COL8A1: variants seen among roughly 807,000 people sequenced by gnomAD.
The protein encoded by COL8A1 is collagen type VIII alpha 1 chain.
COL8A1 carries 21 observed loss-of-function variants against 42.7 expected under a neutral mutation model. The ratio of observed to expected loss-of-function variants is 0.49; its 90% CI spans 0.35 to 0.71. The LOEUF (loss-of-function observed/expected upper bound fraction) is 0.71. Ranked by LOEUF, COL8A1 falls within the 30% of genes least tolerant of loss-of-function variation. The pLI is 0.01. For synonymous variants in COL8A1, 367 were observed against 369.1 expected, an observed-to-expected ratio of 0.99 and a Z score of 0.06; for missense variants, 788 against 962.4, an observed-to-expected ratio of 0.82 and a Z score of 2.40.
rs575014637 is a variant in COL8A1 at position 99,755,801 on chromosome 3, A to G, written c.-4+10780A>G. On this transcript the variant is annotated intron_variant, in intron 2 of 3. Transcript: ENST00000652472. Reference sequence around the variant, plus strand: ...GAAGACCACTGGCCAGAGCCTGGTAACTAAAGAGCAGATGGTGTCAAAGAA... The same window carrying G: ...GAAGACCACTGGCCAGAGCCTGGTAGCTAAAGAGCAGATGGTGTCAAAGAA... Among the ~76,000 whole-genome samples, 6 of 152,352 alleles carry G rather than the reference A, an allele frequency of 3.9e-5. No homozygotes were observed. In the South Asian group the frequency reaches 1.2e-3, roughly 32 times the overall value.
At chr3:99,737,674 C>T (rs1940769265) in intron 1 of COL8A1, among the ~76,000 whole-genome samples, 1 of 151,968 alleles carries the variant, frequency 6.6e-6, no homozygotes, top group Admixed American at 6.6e-5. Context: ...TTCCTTCATT[C>T]AACTTTGGTG....
intron 1 of COL8A1, among the ~76,000 whole-genome samples, chr3:99,653,161 C>CTAATGAAAA (rs1937903240): frequency 1.3e-5 from 2 of 152,160 alleles, no homozygotes; most frequent in African/African-American, 4.8e-5. Context: ...CTAATGAAAA[C>CTAATGAAAA]CAATTATTGA....
At chr3:99,747,888 T>A (rs1027193544) in intron 2 of COL8A1, among the ~76,000 whole-genome samples, 1 of 152,206 alleles carries the variant, frequency 6.6e-6, no homozygotes, top group Non-Finnish European at 1.5e-5. Context: ...CTGAAGCAGA[T>A]GGCTGGAAGT....
chr3:99,751,582 G>T (rs1207971576), intron 2 of COL8A1, among the ~76,000 whole-genome samples: 2 of 152,080 alleles, frequency 1.3e-5, no homozygotes, highest in African/African-American at 2.4e-5. Context: ...TATCTTCTCA[G>T]GAAAAAGTAA....
chr3:99,776,657 C>T (rs1941698626), intron 2 of COL8A1, among the ~76,000 whole-genome samples: 1 of 152,092 alleles, frequency 6.6e-6, no homozygotes, highest in Admixed American at 6.5e-5. Context: ...TTGAGGAAAA[C>T]CCATAAAGTG....
At chr3:99,730,186 A>AAGGATTAAATGAG (rs1232472701) in intron 1 of COL8A1, among the ~76,000 whole-genome samples, 1 of 152,112 alleles carries the variant, frequency 6.6e-6, no homozygotes, top group African/African-American at 2.4e-5. Flanking sequence ...GCACAGTCGT[A>AAGGATTAAATGAG]AGGATTAAAT....
rs765740462 is a variant in COL8A1, at chr3:99,715,552, T to C, written c.-128-29345T>C. 2.0e-5 allele frequency among the ~76,000 whole-genome samples: 3 copies of C among 152,056 alleles called. No individual in the cohort carries two copies. In the East Asian group the frequency reaches 5.8e-4, roughly 29 times the overall value. ...TTAACTGTTCTCCATTTTATCCATG[T>C]TGTCCTGAGAAGCAGGAGGCTCTTT... On this transcript the variant is annotated intron_variant, in intron 1 of 3. Coordinates refer to ENST00000652472, the MANE Select transcript of COL8A1 (RefSeq NM_020351.4).
intron 2 of COL8A1, among the ~76,000 whole-genome samples, chr3:99,786,461 A>G (rs1168706397): frequency 6.6e-6 from 1 of 152,160 alleles, no homozygotes; most frequent in Admixed American, 6.5e-5. Flanking sequence ...TATGAACCAG[A>G]AAGTGGGTCT....
intron 1 of COL8A1, among the ~76,000 whole-genome samples, chr3:99,650,636 G>A (rs1937815523): frequency 6.6e-6 from 1 of 152,050 alleles, no homozygotes; most frequent in Non-Finnish European, 1.5e-5. Flanking sequence ...GTTTCACCAT[G>A]TTGCCTAAGA....
intron 3 of COL8A1, among the ~76,000 whole-genome samples, chr3:99,793,314 TGATA>T (rs1942037270): frequency 6.6e-6 from 1 of 152,192 alleles, no homozygotes; most frequent in Non-Finnish European, 1.5e-5. Flanking sequence ...GTATTTGAAG[TGATA>T]GATATATTTA....
intron 2 of COL8A1, among the ~76,000 whole-genome samples, chr3:99,771,553 T>C (rs1941580967): frequency 6.6e-6 from 1 of 152,200 alleles, no homozygotes; most frequent in Non-Finnish European, 1.5e-5. Context: ...TAAACTCCAC[T>C]TGAAATTAAT....
At chr3:99,703,183 T>C (rs773826766) in intron 1 of COL8A1, 1 of 152,240 alleles carries the variant, frequency 6.6e-6, no homozygotes, top group Non-Finnish European at 1.5e-5. Context: ...ATCTGAGTCA[T>C]ATTTTAAGAG....
intron 2 of COL8A1, among the ~76,000 whole-genome samples, chr3:99,753,542 C>T (rs1185053646): frequency 2.0e-5 from 3 of 152,126 alleles, no homozygotes; most frequent in Non-Finnish European, 4.4e-5. Flanking sequence ...CAGTTAGTAC[C>T]GCTGCAGCTG....
chr3:99,790,234 C>A (rs1427606324), intron 2 of COL8A1, among the ~76,000 whole-genome samples: 1 of 152,160 alleles, frequency 6.6e-6, no homozygotes, highest in East Asian at 1.9e-4. Flanking sequence ...GCAATCCAGC[C>A]AGAAGGAAGG....
intron 1 of COL8A1, among the ~76,000 whole-genome samples, chr3:99,719,399 A>C (rs1197933637): frequency 6.6e-6 from 1 of 152,128 alleles, no homozygotes. Flanking sequence ...TGAATGAATA[A>C]GAAATTTCAT....
chr3:99,695,495 G>A (rs762443093), intron 1 of COL8A1, among the ~76,000 whole-genome samples: 18 of 152,010 alleles, frequency 1.2e-4, no homozygotes, highest in Non-Finnish European at 1.8e-4. Flanking sequence ...TAGTGGTCAG[G>A]TTTCTCCATA....
intron 1 of COL8A1, among the ~76,000 whole-genome samples, chr3:99,646,584 T>C (rs1281460257): frequency 6.6e-6 from 1 of 152,216 alleles, no homozygotes; most frequent in Admixed American, 6.5e-5. Context: ...TTTAGTACGG[T>C]AAATGGATTA....
chr3:99,716,683 A>C (rs775225605), intron 1 of COL8A1, among the ~76,000 whole-genome samples: 7 of 152,046 alleles, frequency 4.6e-5, no homozygotes, highest in Non-Finnish European at 8.8e-5. Flanking sequence ...ACAAGCCACA[A>C]TTACAGCTAA....
At chr3:99,793,151 G>C (rs1942033696) in intron 3 of COL8A1, among the ~76,000 whole-genome samples, 1 of 152,176 alleles carries the variant, frequency 6.6e-6, no homozygotes, top group African/African-American at 2.4e-5. Flanking sequence ...GAGAGATGAT[G>C]ATGAAAGGTT....
Sources: allele counts gnomAD v4.1 joint callset (sites outside exome capture counted in the v4.1 genomes callset), GRCh38; gene constraint gnomAD v4.1.1; transcripts MANE v1.5; gene names NCBI Gene and HGNC (gene_info 2026-07-23, HGNC 2026-07-21).